CARM1: variants seen among roughly 807,000 people sequenced by gnomAD.
The protein encoded by CARM1 is histone-arginine methyltransferase CARM1.
A neutral mutation model predicts 72.7 loss-of-function variants in CARM1; 14 were observed. That is an observed-to-expected ratio of 0.19 (90% CI 0.13 to 0.30). The LOEUF (loss-of-function observed/expected upper bound fraction) is 0.30. Ranked by LOEUF, CARM1 falls within the 10% of genes least tolerant of loss-of-function variation. The pLI is 1.00. For synonymous variants in CARM1, 333 were observed against 345.5 expected, an observed-to-expected ratio of 0.96 and a Z score of 0.40; for missense variants, 432 against 833.7, an observed-to-expected ratio of 0.52 and a Z score of 5.93.
intron 1 of CARM1, among the ~76,000 whole-genome samples, chr19:10,895,416 G>A (rs1473682256): frequency 2.6e-5 from 4 of 152,220 alleles, no homozygotes; most frequent in Admixed American, 6.5e-5. Flanking sequence ...AGGGATGGGA[G>A]GTTTGAAGGG....
chr19:10,921,258 C>T (rs368861456), intron 14 of CARM1, 117 bp from the exon 15 acceptor site: 108 of 1,442,174 alleles, frequency 7.5e-5, no homozygotes, highest in Admixed American at 3.2e-4. Context: ...TGGGGGCTCT[C>T]GGCCGAGGCT....
chr19:10,881,678 G>A (rs1295273921), intron 1 of CARM1, among the ~76,000 whole-genome samples: 1 of 151,836 alleles, frequency 6.6e-6, no homozygotes, highest in East Asian at 1.9e-4. Context: ...GCTGCAGAGA[G>A]AGCAGGGGGG....
At chr19:10,891,084 G>C (rs1416849464) in intron 1 of CARM1, among the ~76,000 whole-genome samples, 1 of 151,320 alleles carries the variant, frequency 6.6e-6, no homozygotes, top group Non-Finnish European at 1.5e-5. Flanking sequence ...CTTGTTCTGG[G>C]CCCAATATGG....
Position 10,921,108 on chromosome 19 carries a change from C to G in CARM1, c.1596C>G (p.His532Gln). 1 of 1,614,080 alleles carries G rather than the reference C, an allele frequency of 6.2e-7. No homozygotes were observed. Among genetic ancestry groups the G allele is most frequent in the Non-Finnish European group, 8.5e-7 (1 of 1,179,940 alleles). Residue 532 changes from histidine to glutamine, a missense_variant, in exon 14 of 16, where the codon CAC becomes CAG. Transcript: ENST00000327064. The stretch of plus-strand genomic sequence containing the variant: ...TTGCCAGTGGCTCCAGCGTGGGCCA[C>G]AACAACCTGATTCCTTTAGGTGAGT... The part of the protein sequence containing the change: ...SVIASGSSVG[H>Q]NNLIPLANTG...
At chr19:10,901,409 C>T (rs577180511) in intron 1 of CARM1, among the ~76,000 whole-genome samples, 23 of 152,092 alleles carry the variant, frequency 1.5e-4, no homozygotes, top group African/African-American at 3.9e-4. Context: ...CTTGAGCTCC[C>T]GGGCTCAAGC....
rs1164032277 is a variant in CARM1, at chr19:10,917,718, C to CTT, written c.1020+957_1020+958dup. On this transcript the variant is annotated intron_variant, in intron 8 of 15. Transcript: ENST00000327064. ...CATTTTTTTCTCTCATTTTCTTTTTCTTTTTTTTTTTTTTTTTGAGACGGA... is the reference window on the plus strand; with the variant it reads ...CATTTTTTTCTCTCATTTTCTTTTTCTTTTTTTTTTTTTTTTTTTGAGACGGA... Among the ~76,000 whole-genome samples the CTT allele has an allele frequency of 4.8e-3, 625 of 129,776 alleles. 13 individuals are homozygous for CTT. Among genetic ancestry groups the CTT allele is most frequent in the African/African-American group, 0.015 (523 of 35,292 alleles). 85.1% of individuals were successfully genotyped at this position (129,776 alleles called of 152,430 possible). A position where few individuals can be genotyped will look rare whatever the true frequency, so the allele number is the denominator to read the frequency against.
intron 1 of CARM1, among the ~76,000 whole-genome samples, chr19:10,883,488 C>T (rs752076645): frequency 1.9e-4 from 29 of 152,316 alleles, no homozygotes; most frequent in Non-Finnish European, 3.4e-4. Flanking sequence ...TCTCAAGGAT[C>T]GCGCAGGGCG....
chr19:10,890,194 C>T (rs1383000408), intron 1 of CARM1, among the ~76,000 whole-genome samples: 1 of 151,644 alleles, frequency 6.6e-6, no homozygotes, highest in African/African-American at 2.4e-5. Flanking sequence ...TGAGACCAGC[C>T]TGGGCAACAT....
chr19:10,875,909 C>T (rs1185686734), intron 1 of CARM1, among the ~76,000 whole-genome samples: 1 of 151,228 alleles, frequency 6.6e-6, no homozygotes, highest in African/African-American at 2.4e-5. Context: ...GAATTTTGCC[C>T]AGGCTGGAGT....
rs2074239114 is a variant in CARM1 at position 10,920,925 on chromosome 19, A to G, written c.1516A>G (p.Ser506Gly). The change falls in exon 13 of 16, where the codon AGC becomes GGC. Residue 506 changes from serine to glycine, a missense_variant. Physicochemically the swap from Ser to Gly is moderately conservative, Grantham distance 56. Transcript: ENST00000327064. The surrounding 1 kb of genome is among the most constrained non-coding windows in gnomAD (Gnocchi z 5.3). ...GAACACGGGCAGCACCTACAACCTCAGCAGCGGGATGGCCGTGGCAGGTGA... is the reference window on the plus strand; with the variant it reads ...GAACACGGGCAGCACCTACAACCTCGGCAGCGGGATGGCCGTGGCAGGTGA... ...MWNTGSTYNL[S>G]SGMAVAGMPT... 2.5e-6 allele frequency: 4 copies of G among 1,614,150 alleles called. No homozygotes were observed. Among genetic ancestry groups the G allele is most frequent in the Non-Finnish European group, 3.4e-6 (4 of 1,179,956 alleles).
chr19:10,879,900 T>A (rs964753032), intron 1 of CARM1, among the ~76,000 whole-genome samples: 1 of 152,110 alleles, frequency 6.6e-6, no homozygotes. Context: ...CCGGCATGAG[T>A]CACCGCACCC....
chr19:10,889,688 A>G (rs2073967288), intron 1 of CARM1, among the ~76,000 whole-genome samples: 1 of 152,060 alleles, frequency 6.6e-6, no homozygotes. Flanking sequence ...AGTAGATTCA[A>G]CACTTTGACT....
At chr19:10,884,557 C>A (rs1281323096) in intron 1 of CARM1, among the ~76,000 whole-genome samples, 3 of 152,124 alleles carry the variant, frequency 2.0e-5, no homozygotes, top group East Asian at 1.9e-4. Context: ...GTTGCCCCCC[C>A]TCCCCCTGTG....
At chr19:10,890,260 G>GTTTT (rs377132328) in intron 1 of CARM1, among the ~76,000 whole-genome samples, 1 of 110,534 alleles carries the variant, frequency 9.0e-6, no homozygotes, top group African/African-American at 3.0e-5. Context: ...TTTGTTTTTT[G>GTTTT]TTTTGTTTGT....
intron 1 of CARM1, among the ~76,000 whole-genome samples, chr19:10,889,883 C>G (rs558209652): frequency 4.4e-4 from 67 of 152,312 alleles, no homozygotes; most frequent in Middle Eastern, 6.8e-3. Flanking sequence ...TGAAGCCCCC[C>G]ATCCAATCCC....
Position 10,919,684 on chromosome 19 carries a change from C to T in CARM1, c.1106+4C>T. 1 of 1,608,020 alleles carries T rather than the reference C, an allele frequency of 6.2e-7. No individual in the cohort carries two copies. Reference sequence around the variant, plus strand: ...CCAAAGAAGGAGATTTGCACAGGTACTGGCACCCACACTCCATCCTCCCAG... The same window carrying T: ...CCAAAGAAGGAGATTTGCACAGGTATTGGCACCCACACTCCATCCTCCCAG... On this transcript the variant is annotated splice_donor_region_variant and intron_variant, in intron 9 of 15. Coordinates refer to ENST00000327064, the MANE Select transcript of CARM1 (RefSeq NM_199141.2).
Position 10,896,228 on chromosome 19 carries a change from C to T in CARM1, c.221-8723C>T, listed in dbSNP as rs2074023152. Reference sequence around the variant, plus strand: ...CGTTCTTCCAAGACCCTCCTGCATGCTGGGACCCAGGGCTGCCGTGGAGCT... The same window carrying T: ...CGTTCTTCCAAGACCCTCCTGCATGTTGGGACCCAGGGCTGCCGTGGAGCT... On this transcript the variant is annotated intron_variant, in intron 1 of 15. Coordinates refer to ENST00000327064, the MANE Select transcript of CARM1 (RefSeq NM_199141.2). This position sits in a 1 kb window ranked among gnomAD's most constrained non-coding sequence, Gnocchi z 5.2. Among the ~76,000 whole-genome samples the T allele has an allele frequency of 6.6e-6, 1 of 152,056 alleles. No homozygotes were observed. Among genetic ancestry groups the T allele is most frequent in the Non-Finnish European group, 1.5e-5 (1 of 67,964 alleles).
At chr19:10,903,049 G>A (rs957953525) in intron 1 of CARM1, among the ~76,000 whole-genome samples, 5 of 151,986 alleles carry the variant, frequency 3.3e-5, no homozygotes, top group African/African-American at 7.2e-5. Flanking sequence ...TATGGTGTGA[G>A]GTAGGGGTTT....
chr19:10,878,476 T>TA (rs2073879251), intron 1 of CARM1, among the ~76,000 whole-genome samples: 1 of 152,192 alleles, frequency 6.6e-6, no homozygotes, highest in African/African-American at 2.4e-5. Flanking sequence ...TGTTACCACT[T>TA]ACTCTGAAAA....
Sources: allele counts gnomAD v4.1 joint callset (sites outside exome capture counted in the v4.1 genomes callset), GRCh38; gene constraint gnomAD v4.1.1; non-coding constraint Gnocchi (gnomAD v3.1); transcripts MANE v1.5; gene names NCBI Gene and HGNC (gene_info 2026-07-23, HGNC 2026-07-21).